The following LTA4H variants were observed in gnomAD, a reference collection of about 807,000 sequenced individuals.
LTA4H encodes the protein leukotriene A-4 hydrolase.
A neutral mutation model predicts 89.8 loss-of-function variants in LTA4H; 59 were observed. The ratio of observed to expected loss-of-function variants is 0.66; its 90% confidence interval spans 0.53 to 0.82. The LOEUF is 0.82. LTA4H is among the 40% of genes least tolerant of loss of function. The pLI, the probability that LTA4H is intolerant of heterozygous loss-of-function variation, is 0.00. For missense variants in LTA4H, 617 were observed against 727.0 expected, an observed-to-expected ratio of 0.85 and a Z score of 1.74; for synonymous variants, 227 against 253.1, an observed-to-expected ratio of 0.90 and a Z score of 0.98.
At position 96,015,990 on chromosome 12, in the gene LTA4H, G is replaced by A. The variant is rs532993259; in HGVS notation, c.948-296C>T. ...CTAGACTGAACCTAACACTCCTAAC[G>A]CTGTAATAAGTGTTACAGAATTTTT... On this transcript the variant is annotated intron_variant, in intron 10 of 18. Transcript: ENST00000228740. 6.6e-4 allele frequency among the ~76,000 whole-genome samples: 101 copies of A among 152,160 alleles called. 2 individuals are homozygous for A. The highest frequency in any genetic ancestry group is 2.2e-4 in the Non-Finnish European group (15 of 68,020).
intron 15 of LTA4H, among the ~76,000 whole-genome samples, chr12:96,008,714 A>C (rs909556159): frequency 8.5e-5 from 13 of 152,160 alleles, no homozygotes; most frequent in African/African-American, 3.1e-4. Context: ...ACTGGAGACC[A>C]GGAGTTTGAG....
rs1950633082 is a variant in LTA4H, at chr12:96,035,583, T to C, written c.-64A>G. The C allele has an allele frequency of 7.9e-6, 12 of 1,518,068 alleles. No homozygotes were observed. In the South Asian group the frequency reaches 9.9e-5, roughly 12 times the overall value. 94.0% of individuals were successfully genotyped at this position (1,518,068 alleles called of 1,614,324 possible). A position where few individuals can be genotyped will look rare whatever the true frequency, so the allele number is the denominator to read the frequency against. On this transcript the variant is annotated 5_prime_UTR_variant, in exon 1 of 19. Transcript: ENST00000228740. ...AACGCTCAGCTACCAGACTCGTCGATAGAGAACCTGAGGAGGAGGGAGAGA... is the reference window on the plus strand; with the variant it reads ...AACGCTCAGCTACCAGACTCGTCGACAGAGAACCTGAGGAGGAGGGAGAGA...
intron 3 of LTA4H, chr12:96,025,293 C>T (rs190900280): frequency 6.6e-6 from 1 of 152,324 alleles, no homozygotes; most frequent in Admixed American, 6.5e-5. Context: ...TTTATGTTAA[C>T]ACAAAACCCA....
At chr12:96,005,633 G>A (rs1427201711) in intron 16 of LTA4H, among the ~76,000 whole-genome samples, 1 of 152,146 alleles carries the variant, frequency 6.6e-6, no homozygotes, top group Non-Finnish European at 1.5e-5. Flanking sequence ...CCCTGGGGGT[G>A]CAAAGCAAGT....
In LTA4H at chr12:96,022,299, G is replaced by C. The variant is rs200068939; in HGVS notation, c.481-48C>G. 2 of 1,239,610 alleles carry C rather than the reference G, an allele frequency of 1.6e-6. No homozygotes were observed. Among genetic ancestry groups the C allele is most frequent in the African/African-American group, 3.0e-5 (2 of 67,102 alleles). 76.8% of individuals were successfully genotyped at this position (1,239,610 alleles called of 1,614,324 possible). ...TCTAGTCATAAATAAAAGCTTCTATGTGTCTTAAACCATATATGTAAAATA... is the reference window on the plus strand; with the variant it reads ...TCTAGTCATAAATAAAAGCTTCTATCTGTCTTAAACCATATATGTAAAATA... On this transcript the variant is annotated intron_variant, in intron 4 of 18. Transcript: ENST00000228740. The surrounding 1 kb of genome is among the most constrained non-coding windows in gnomAD (Gnocchi z 4.0).
chr12:96,006,322 GC>G lies in LTA4H; in HGVS notation c.1521del (p.Leu508SerfsTer11). ...TTTGAGCTAGTACTTACCCTCTGGA[GC>G]GTCTGTGCTAAAAACTCATTCAATT... ...SHQLNEFLAQTLQRAPLPLGH... is the reference protein window; with the variant it reads ...SHQLNEFLAQXLQRAPLPLGH... On this transcript the variant is annotated frameshift_variant, in exon 16 of 19. Coordinates refer to ENST00000228740, the MANE Select transcript of LTA4H (RefSeq NM_000895.3). LOFTEE classifies it high-confidence loss of function. 2 of 1,604,352 alleles carry G rather than the reference GC, an allele frequency of 1.2e-6. No homozygotes were observed. The highest frequency in any genetic ancestry group is 1.7e-6 in the Non-Finnish European group (2 of 1,173,192).
chr12:96,036,287 A>G (rs1282176016), upstream of LTA4H, among the ~76,000 whole-genome samples: 1 of 152,200 alleles, frequency 6.6e-6, no homozygotes, highest in Non-Finnish European at 1.5e-5. Context: ...CAGAGCTGGG[A>G]CATCTAGCTC....
chr12:96,011,166 T>C (rs1052565251), intron 14 of LTA4H: 1 of 152,184 alleles, frequency 6.6e-6, no homozygotes, highest in Non-Finnish European at 1.5e-5. Flanking sequence ...GAACTAATTT[T>C]CCACCCAGAT....
chr12:96,038,297 TA>T (rs1386182576), upstream of LTA4H, among the ~76,000 whole-genome samples: 6 of 152,080 alleles, frequency 3.9e-5, no homozygotes, highest in Admixed American at 3.9e-4. Flanking sequence ...GAAAACAAAA[TA>T]AAACCAAAAA....
rs770551431 is a variant in LTA4H, at chr12:96,035,312, G to C, written c.159+49C>G. On this transcript the variant is annotated intron_variant, in intron 1 of 18. Transcript: ENST00000228740. ...GGAGCCCGCAAGGACTAGGGTCGAGGGGCAGGGAGCCCGGGAGAGGCGGGC... is the reference window on the plus strand; with the variant it reads ...GGAGCCCGCAAGGACTAGGGTCGAGCGGCAGGGAGCCCGGGAGAGGCGGGC... 8.9e-6 allele frequency: 14 copies of C among 1,564,794 alleles called. 1 individual carries two copies. The Admixed American group carries it at 2.5e-4, about 28-fold the overall frequency.
At chr12:96,009,038 T>A in intron 15 of LTA4H, 56 bp downstream of exon 15, 2 of 1,286,984 alleles carry the variant, frequency 1.6e-6, no homozygotes, top group Non-Finnish European at 2.3e-6. Context: ...GCTTCATGAG[T>A]AAAGACATAT....
Position 96,024,507 on chromosome 12 carries a change from G to A in LTA4H, c.452C>T (p.Pro151Leu). ...TGCAGTATAGGTTAATTTCACAGAA[G>A]GAGTGTCCTGACAAGGAAGGATTGC... is the stretch of plus-strand genomic sequence containing the variant. ...CRAILPCQDTPSVKLTYTAEV... is the reference protein window; with the variant it reads ...CRAILPCQDTLSVKLTYTAEV... The change falls in exon 4 of 19, where the codon CCT becomes CTT. Residue 151 changes from proline to leucine, a missense_variant. By Grantham distance (98) the Pro-to-Leu change is moderately conservative. This residue lies in a region of LTA4H where 172 missense variants were observed against 244.5 expected (regional missense o/e 0.70). Coordinates refer to ENST00000228740, the MANE Select transcript of LTA4H (RefSeq NM_000895.3). 6.2e-7 allele frequency: 1 copy of A among 1,611,496 alleles called. No individual in the cohort carries two copies. Among genetic ancestry groups the A allele is most frequent in the Non-Finnish European group, 8.5e-7 (1 of 1,177,918 alleles).
At chr12:96,004,581 G>A (rs188445901) in intron 16 of LTA4H, among the ~76,000 whole-genome samples, 8 of 152,274 alleles carry the variant, frequency 5.3e-5, no homozygotes, top group African/African-American at 1.9e-4. Flanking sequence ...AAAAAGATGA[G>A]TTCAGTTTGG....
chr12:96,007,181 A>C (rs1225280384), intron 15 of LTA4H, among the ~76,000 whole-genome samples: 1 of 152,186 alleles, frequency 6.6e-6, no homozygotes. Context: ...AATTTAATGC[A>C]TAGGTATATA....
In LTA4H at chr12:96,029,074, G is replaced by A. The variant is rs1021684570; in HGVS notation, c.271C>T (p.Leu91Phe). 8.2e-6 allele frequency: 13 copies of A among 1,590,286 alleles called. No homozygotes were observed. Among genetic ancestry groups the A allele is most frequent in the South Asian group, 2.3e-5 (2 of 85,634 alleles). The part of the protein sequence containing the change: ...SYKGSPMEIS[L>F]PIALSKNQEI... ...TCATACTTGCTCAAAGCGATAGGAAGAGAGATTTCCATTGGCGATCCCTTG... is the reference window on the plus strand; with the variant it reads ...TCATACTTGCTCAAAGCGATAGGAAAAGAGATTTCCATTGGCGATCCCTTG... The change falls in exon 2 of 19, where the codon CTT becomes TTT. Residue 91 changes from leucine to phenylalanine, a missense_variant. By Grantham distance (22) the Leu-to-Phe change is conservative (BLOSUM62 0). Transcript: ENST00000228740.
chr12:96,034,309 TCTTCAGGTGAAAGGTAC>T (rs750897099), intron 1 of LTA4H, among the ~76,000 whole-genome samples: 1 of 152,238 alleles, frequency 6.6e-6, no homozygotes, highest in Non-Finnish European at 1.5e-5. Flanking sequence ...TCTATGAAAT[TCTTCAGGTGAAAGGTAC>T]CTTCAGATGA....
At chr12:96,016,956 T>C (rs1592883368) in intron 10 of LTA4H, 88 bp downstream of exon 10, 1 of 873,474 alleles carries the variant, frequency 1.1e-6, no homozygotes, top group East Asian at 2.4e-5. Context: ...AAACAAGAGA[T>C]ACACACAAAA....
chr12:96,008,951 T>A, intron 15 of LTA4H, 143 bp downstream of exon 15: 2 of 679,678 alleles, frequency 2.9e-6, no homozygotes, highest in Non-Finnish European at 5.2e-6. Context: ...AGAGTAGATA[T>A]AATATCACCT....
chr12:96,035,771 G>A, upstream of LTA4H: 2 of 764,960 alleles, frequency 2.6e-6, no homozygotes, highest in Non-Finnish European at 1.8e-6. Flanking sequence ...GATGTTGAGG[G>A]GGACCAAGCG....
Sources: allele counts gnomAD v4.1 joint callset (sites outside exome capture counted in the v4.1 genomes callset), GRCh38; gene constraint gnomAD v4.1.1; regional missense constraint gnomAD v4.1.1; non-coding constraint Gnocchi (gnomAD v3.1); transcripts MANE v1.5; gene names NCBI Gene and HGNC (gene_info 2026-07-23, HGNC 2026-07-21).